HSDL2: variants seen among roughly 807,000 people sequenced by gnomAD.
HSDL2 encodes hydroxysteroid dehydrogenase like 2.
In HSDL2, 27 loss-of-function variants were observed where a neutral mutation model predicts 46.3. That is an observed-to-expected ratio of 0.58 (90% confidence interval 0.43 to 0.80). The LOEUF (loss-of-function observed/expected upper bound fraction) is 0.80. Among genes scored for constraint, HSDL2 ranks in the 30% least tolerant of loss-of-function variants. The pLI is 0.00. For missense variants in HSDL2, 451 were observed against 502.7 expected (o/e 0.90, Z 0.98); for synonymous variants, 153 against 163.6 (o/e 0.94, Z 0.50).
intron 1 of HSDL2, among the ~76,000 whole-genome samples, chr9:112,390,022 G>A (rs1240535366): frequency 6.6e-6 from 1 of 151,042 alleles, no homozygotes; most frequent in African/African-American, 2.4e-5. Flanking sequence ...CCGAGATCAC[G>A]CCCCTACACT....
At chr9:112,421,563 A>T (rs1053600382) in intron 6 of HSDL2, among the ~76,000 whole-genome samples, 7 of 151,996 alleles carry the variant, frequency 4.6e-5, no homozygotes, top group East Asian at 1.9e-4. Flanking sequence ...TTAAAAAAAA[A>T]TTTTTGTAGT....
chr9:112,454,094 T>C lies in HSDL2; in HGVS notation c.947T>C (p.Ile316Thr). The C allele has an allele frequency of 6.2e-7, 1 of 1,614,058 alleles. No homozygotes were observed. The highest frequency in any genetic ancestry group is 2.2e-5 in the East Asian group (1 of 44,882). The change falls in exon 9 of 11, where the codon ATT (isoleucine) becomes ACT (threonine). Residue 316 changes from isoleucine to threonine, a missense_variant. Ile to Thr is a moderately conservative substitution (Grantham distance 89). Coordinates refer to ENST00000398805, the MANE Select transcript of HSDL2 (RefSeq NM_032303.5). ...GGAGCTGTGGAAGAAACATTTAGAA[T>C]TGTTAAGGACTCTCTCAGTGATGAT... The part of the protein sequence containing the change: ...RSGAVEETFR[I>T]VKDSLSDDVV...
chr9:112,451,372 T>C (rs1312406700), intron 8 of HSDL2, among the ~76,000 whole-genome samples: 1 of 152,230 alleles, frequency 6.6e-6, no homozygotes, highest in Non-Finnish European at 1.5e-5. Flanking sequence ...TATTAGGTTA[T>C]TGTCACTGAA....
chr9:112,450,233 C>T (rs373439993), intron 8 of HSDL2, among the ~76,000 whole-genome samples: 14 of 149,318 alleles, frequency 9.4e-5, no homozygotes, highest in South Asian at 2.2e-4. Flanking sequence ...AGTTCAAGAC[C>T]GGCCTGGGCA....
intron 1 of HSDL2, among the ~76,000 whole-genome samples, chr9:112,388,647 A>G (rs1587925867): frequency 4.0e-5 from 6 of 149,074 alleles, no homozygotes; most frequent in East Asian, 2.0e-4. Context: ...CCAGCTACTC[A>G]GGAGGCTGAG....
intron 1 of HSDL2, among the ~76,000 whole-genome samples, chr9:112,401,589 G>T (rs548891587): frequency 6.6e-6 from 1 of 152,114 alleles, no homozygotes; most frequent in African/African-American, 2.4e-5. Flanking sequence ...ACACAGACAG[G>T]TGGTGGGTCA....
At chr9:112,459,411 C>A in intron 9 of HSDL2, 38 bp from the exon 10 acceptor site, 1 of 1,603,478 alleles carries the variant, frequency 6.2e-7, no homozygotes, top group South Asian at 1.1e-5. Context: ...AAGAACAGGG[C>A]TTCTATGACA....
At chr9:112,423,547 G>A (rs1165503561) in intron 6 of HSDL2, among the ~76,000 whole-genome samples, 1 of 151,330 alleles carries the variant, frequency 6.6e-6, no homozygotes, top group African/African-American at 2.4e-5. Context: ...TGACCTCAGG[G>A]ATCCACCTGC....
chr9:112,447,161 T>C (rs938717487), intron 8 of HSDL2, among the ~76,000 whole-genome samples: 5 of 152,226 alleles, frequency 3.3e-5, no homozygotes, highest in African/African-American at 1.2e-4. Flanking sequence ...TAGGAGAGCC[T>C]GTGTCAGGGA....
chr9:112,391,132 C>T (rs919684347), intron 1 of HSDL2, among the ~76,000 whole-genome samples: 8 of 151,594 alleles, frequency 5.3e-5, no homozygotes, highest in East Asian at 1.9e-4. Flanking sequence ...GCCAAGATCA[C>T]GCCACTACAC....
intron 4 of HSDL2, among the ~76,000 whole-genome samples, chr9:112,411,032 A>G (rs1214872157): frequency 6.6e-6 from 1 of 152,208 alleles, no homozygotes; most frequent in African/African-American, 2.4e-5. Context: ...CAAATAGAGA[A>G]GCATTACCAC....
intron 1 of HSDL2, among the ~76,000 whole-genome samples, chr9:112,390,796 A>G (rs1355500729): frequency 1.3e-5 from 2 of 152,156 alleles, no homozygotes; most frequent in African/African-American, 4.8e-5. Context: ...CTTTTGAAAT[A>G]CAAATTAATC....
rs748208129 is a variant in HSDL2, at chr9:112,459,588, C to T, written c.1144+11C>T. On this transcript the variant is annotated intron_variant, in intron 10 of 10. Coordinates refer to ENST00000398805, the MANE Select transcript of HSDL2 (RefSeq NM_032303.5). ...TAAAAATGTTTTCAGGTGAGTTTTC[C>T]AGTTTATTAGTTTACCTTATTGTTC... 1.7e-5 allele frequency: 27 copies of T among 1,610,066 alleles called. No homozygotes were observed. Among genetic ancestry groups the T allele is most frequent in the East Asian group, 2.2e-5 (1 of 44,824 alleles).
intron 4 of HSDL2, among the ~76,000 whole-genome samples, chr9:112,412,675 GT>G (rs1195562822): frequency 3.3e-5 from 5 of 152,078 alleles, no homozygotes; most frequent in African/African-American, 4.8e-5. Flanking sequence ...AAGTCTCTTT[GT>G]TTTTTCCTTG....
chr9:112,428,058 G>A (rs1832293311), intron 6 of HSDL2, among the ~76,000 whole-genome samples: 1 of 152,144 alleles, frequency 6.6e-6, no homozygotes, highest in Admixed American at 6.5e-5. Context: ...CTTCCTATCT[G>A]CTATGTACTG....
In HSDL2 at chr9:112,437,986, G is replaced by T. The variant is rs369830414; in HGVS notation, c.599-445G>T. Among the ~76,000 whole-genome samples, 29 of 152,346 alleles carry T rather than the reference G, an allele frequency of 1.9e-4. No individual in the cohort carries two copies. The South Asian group carries it at 5.6e-3, about 29-fold the overall frequency. ...CCTGGGGCCAGGCGTGGTGGCTCAT[G>T]CCTGTAATCCCAGCACTTTGGGAGG... On this transcript the variant is annotated intron_variant, in intron 6 of 10. Coordinates refer to ENST00000398805, the MANE Select transcript of HSDL2 (RefSeq NM_032303.5).
intron 4 of HSDL2, among the ~76,000 whole-genome samples, chr9:112,413,417 C>T (rs1464548499): frequency 6.6e-6 from 1 of 151,520 alleles, no homozygotes; most frequent in Admixed American, 6.6e-5. Flanking sequence ...GCAGAGGTTG[C>T]GGTGAACCAA....
At chr9:112,450,706 T>G (rs1832865788) in intron 8 of HSDL2, among the ~76,000 whole-genome samples, 1 of 151,916 alleles carries the variant, frequency 6.6e-6, no homozygotes, top group Admixed American at 6.6e-5. Context: ...TACATTTATA[T>G]TTTGGCTTAT....
chr9:112,468,992 G>A (rs1015558043), intron 10 of HSDL2, among the ~76,000 whole-genome samples: 3 of 152,010 alleles, frequency 2.0e-5, no homozygotes, highest in East Asian at 1.9e-4. Flanking sequence ...GTTTTTGGAC[G>A]GGCTGTTCTG....
Sources: allele counts gnomAD v4.1 joint callset (sites outside exome capture counted in the v4.1 genomes callset), GRCh38; gene constraint gnomAD v4.1.1; transcripts MANE v1.5; gene names NCBI Gene and HGNC (gene_info 2026-07-23, HGNC 2026-07-21).